Variants in RNF17 observed in about 807,000 individuals in gnomAD.
The protein encoded by RNF17 is ring finger protein 17.
RNF17 carries 31 observed loss-of-function variants against 200.5 expected under a neutral mutation model. That is an observed-to-expected ratio of 0.15 (90% confidence interval 0.12 to 0.21). RNF17 has a LOEUF of 0.21. Among genes scored for constraint, RNF17 ranks in the 10% least tolerant of loss-of-function variants. The pLI, the probability that RNF17 is intolerant of heterozygous loss-of-function variation, is 1.00. For synonymous variants in RNF17, 606 were observed against 637.8 expected (o/e 0.95, Z 0.75); for missense variants, 1,628 against 1,905.1 (o/e 0.85, Z 2.71).
chr13:24,858,832 T>C (rs1462190376), intron 25 of RNF17, among the ~76,000 whole-genome samples, 169 bp from the exon 26 acceptor site: 1 of 151,840 alleles, frequency 6.6e-6, no homozygotes, highest in Non-Finnish European at 1.5e-5. Flanking sequence ...AAGATCATAA[T>C]ATTGTTTATA....
chr13:24,815,696 T>A (rs938797058), intron 15 of RNF17, among the ~76,000 whole-genome samples: 6 of 152,200 alleles, frequency 3.9e-5, no homozygotes, highest in African/African-American at 1.2e-4. Context: ...TATGATATTA[T>A]CTGTGAGTTT....
At chr13:24,813,181 C>T (rs1210338803) in intron 15 of RNF17, among the ~76,000 whole-genome samples, 1 of 151,928 alleles carries the variant, frequency 6.6e-6, no homozygotes, top group Non-Finnish European at 1.5e-5. Flanking sequence ...TTTTTAAACA[C>T]AGGGCTTCAC....
At chr13:24,807,098 A>G (rs1241118469) in intron 15 of RNF17, among the ~76,000 whole-genome samples, 1 of 151,672 alleles carries the variant, frequency 6.6e-6, no homozygotes, top group Non-Finnish European at 1.5e-5. Context: ...GAATAATGCC[A>G]CAATAAACAT....
At chr13:24,851,433 A>T in intron 23 of RNF17, 23 bp from the exon 24 acceptor site, 2 of 1,491,266 alleles carry the variant, frequency 1.3e-6, no homozygotes, top group East Asian at 2.3e-5. Flanking sequence ...TTTCATATTT[A>T]CTCTGCTCTT....
At position 24,789,695 on chromosome 13, in the gene RNF17, T is replaced by C. The variant is rs1450200739; in HGVS notation, c.861-3T>C. The C allele has an allele frequency of 1.3e-6, 2 of 1,568,470 alleles. No individual in the cohort carries two copies. The highest frequency in any genetic ancestry group is 3.4e-5 in the Admixed American group (2 of 59,692). ...TTATGTATATGTTAATGTTTTATTA[T>C]AGGTTGAGTGTGAATTGCAGTGAGA... On this transcript the variant is annotated splice_polypyrimidine_tract_variant and splice_region_variant and intron_variant, in intron 8 of 35. Coordinates refer to ENST00000255324, the MANE Select transcript of RNF17 (RefSeq NM_031277.3).
rs1593367409 is a variant in RNF17, at chr13:24,829,583, T to C, written c.2246-901T>C. Reference sequence around the variant, plus strand: ...ATATCTCCTACCATAGGGCCTATGTTTGAAGTGTCATCTTGAATGAGTGCT... The same window carrying C: ...ATATCTCCTACCATAGGGCCTATGTCTGAAGTGTCATCTTGAATGAGTGCT... On this transcript the variant is annotated intron_variant, in intron 16 of 35. Coordinates refer to ENST00000255324, the MANE Select transcript of RNF17 (RefSeq NM_031277.3). 2.0e-5 allele frequency among the ~76,000 whole-genome samples: 3 copies of C among 152,312 alleles called. No individual in the cohort carries two copies. The East Asian group carries it at 5.8e-4, about 29-fold the overall frequency.
chr13:24,810,968 C>T (rs2137819602), intron 15 of RNF17, among the ~76,000 whole-genome samples: 1 of 151,514 alleles, frequency 6.6e-6, no homozygotes, highest in South Asian at 2.1e-4. Context: ...TGAATATTGG[C>T]CCCCACTCTC....
the RNF17 span, chr13:24,885,869 A>G: frequency 2.1e-5 from 12 of 576,008 alleles, no homozygotes; most frequent in South Asian, 2.5e-4. Context: ...GAAAGACAGT[A>G]TCTTGTCTCA....
intron 2 of RNF17, among the ~76,000 whole-genome samples, chr13:24,770,211 C>G (rs1032555817): frequency 1.2e-4 from 19 of 152,010 alleles, no homozygotes; most frequent in Non-Finnish European, 2.6e-4. Context: ...CATTGATAAG[C>G]ATATCAAATA....
chr13:24,810,869 T>C (rs1289145011), intron 15 of RNF17, among the ~76,000 whole-genome samples: 44 of 149,834 alleles, frequency 2.9e-4, no homozygotes, highest in African/African-American at 1.1e-3. Flanking sequence ...TTTGCTTGTC[T>C]GGAAAGTATT....
chr13:24,853,049 G>T (rs1036911590), intron 24 of RNF17, among the ~76,000 whole-genome samples: 1 of 152,170 alleles, frequency 6.6e-6, no homozygotes, highest in African/African-American at 2.4e-5. Context: ...AAGTAGCTGG[G>T]ATTATAGGCA....
At chr13:24,862,615 A>T in intron 27 of RNF17, 98 bp from the exon 28 acceptor site, 2 of 720,646 alleles carry the variant, frequency 2.8e-6, no homozygotes, top group Admixed American at 3.7e-5. Flanking sequence ...CTACTATCTG[A>T]TATTATTTGT....
At chr13:24,807,047 A>G (rs1397360732) in intron 15 of RNF17, among the ~76,000 whole-genome samples, 2 of 151,540 alleles carry the variant, frequency 1.3e-5, no homozygotes, top group African/African-American at 4.8e-5. Context: ...CCAGTCTATC[A>G]TTGTTGGACA....
chr13:24,850,561 G>T (rs1438306433), intron 23 of RNF17, 118 bp downstream of exon 23: 3 of 670,506 alleles, frequency 4.5e-6, no homozygotes, highest in East Asian at 5.7e-5. Context: ...TACAAATTTT[G>T]TCGGTTTTAT....
chr13:24,761,126 T>C (rs1878706090), upstream of RNF17, among the ~76,000 whole-genome samples: 1 of 152,218 alleles, frequency 6.6e-6, no homozygotes, highest in Non-Finnish European at 1.5e-5. Context: ...AATGTTGAAA[T>C]ACGTCTATTC....
intron 15 of RNF17, among the ~76,000 whole-genome samples, chr13:24,815,135 C>G (rs931757881): frequency 1.3e-5 from 2 of 152,124 alleles, no homozygotes; most frequent in African/African-American, 4.8e-5. Flanking sequence ...CTTTGGATAG[C>G]ATTGACATCT....
At chr13:24,842,609 C>T (rs1048989967) in intron 19 of RNF17, among the ~76,000 whole-genome samples, 4 of 152,144 alleles carry the variant, frequency 2.6e-5, no homozygotes, top group Admixed American at 1.3e-4. Context: ...TGCTAATACT[C>T]ACCCAGGACA....
the RNF17 span, among the ~76,000 whole-genome samples, chr13:24,756,873 G>A: frequency 6.6e-6 from 1 of 152,122 alleles, no homozygotes; most frequent in African/African-American, 2.4e-5. Context: ...ACAGATCAGC[G>A]AGGTAGCAGT....
At chr13:24,754,113 G>C in the RNF17 span, among the ~76,000 whole-genome samples, 1 of 151,110 alleles carries the variant, frequency 6.6e-6, no homozygotes, top group Non-Finnish European at 1.5e-5. Context: ...AGCCGAGATC[G>C]CACCATTGCA....
Sources: gnomAD v4.1 joint callset for allele counts (sites outside exome capture counted in the v4.1 genomes callset) on GRCh38, gnomAD v4.1.1 for gene constraint, MANE v1.5 for transcripts, NCBI Gene and HGNC (gene_info 2026-07-23, HGNC 2026-07-21) for gene names.